The following CRYZ variants were observed in gnomAD, a reference collection of about 807,000 sequenced individuals.
CRYZ encodes crystallin zeta.
CRYZ carries 35 observed loss-of-function variants against 34.1 expected under a neutral mutation model. The observed-to-expected ratio is 1.03, with a 90% CI of 0.78 to 1.36. The LOEUF (loss-of-function observed/expected upper bound fraction) is 1.36, where lower values mean the gene tolerates loss of function less well. CRYZ is among the 40% of genes most tolerant of loss of function. CRYZ has a pLI of 0.00. For missense variants in CRYZ, 403 were observed against 391.8 expected (o/e 1.03, Z -0.24); for synonymous variants, 137 against 136.5 (o/e 1.00, Z -0.03).
chr1:74,732,967 GTGGGAATTAAAATC>G lies in CRYZ; in HGVS notation c.-39_-26del, dbSNP rs1261877644. Reference sequence around the variant, plus strand: ...TTAAAACCACTTACCAGAATCTAGAGTGGGAATTAAAATCTGCGTGGGCTTCTTCAGATTCCACA... The same window carrying G: ...TTAAAACCACTTACCAGAATCTAGAGTGCGTGGGCTTCTTCAGATTCCACA... On this transcript the variant is annotated 5_prime_UTR_variant, in exon 1 of 9. Transcript: ENST00000340866. 4.3e-6 allele frequency: 2 copies of G among 461,470 alleles called. No individual in the cohort carries two copies. Among genetic ancestry groups the G allele is most frequent in the Non-Finnish European group, 7.7e-6 (2 of 260,096 alleles). The allele number at this position is 461,470 out of a possible 1,614,324, so 28.6% of individuals were successfully genotyped here. A position where few individuals can be genotyped will look rare whatever the true frequency, so the allele number is the denominator to read the frequency against.
intron 4 of CRYZ, among the ~76,000 whole-genome samples, chr1:74,716,086 G>GC (rs2100706862): frequency 6.6e-6 from 1 of 151,984 alleles, no homozygotes; most frequent in Non-Finnish European, 1.5e-5. Flanking sequence ...GACTTAAACT[G>GC]CACCTCTTCC....
At chr1:74,719,954 A>G (rs953504709) in intron 3 of CRYZ, among the ~76,000 whole-genome samples, 1 of 152,082 alleles carries the variant, frequency 6.6e-6, no homozygotes, top group Non-Finnish European at 1.5e-5. Context: ...AGAGCTTGCT[A>G]TACCAGGCAC....
chr1:74,711,766 T>A (rs920272584), intron 5 of CRYZ, among the ~76,000 whole-genome samples: 4 of 152,032 alleles, frequency 2.6e-5, no homozygotes, highest in Non-Finnish European at 4.4e-5. Context: ...AAAATAAAAA[T>A]AAAAGAATCA....
chr1:74,716,074 T>C (rs1372974500), intron 4 of CRYZ, among the ~76,000 whole-genome samples: 2 of 152,096 alleles, frequency 1.3e-5, no homozygotes, highest in Admixed American at 6.6e-5. Flanking sequence ...AAACTTTCTA[T>C]GGACTTAAAC....
intron 1 of CRYZ, among the ~76,000 whole-genome samples, chr1:74,726,946 C>G (rs77690335): frequency 6.6e-6 from 1 of 152,160 alleles, no homozygotes; most frequent in Non-Finnish European, 1.5e-5. Context: ...TGCTAAAACA[C>G]AACAAAAGTC....
At chr1:74,731,153 G>T (rs899503568) in intron 1 of CRYZ, among the ~76,000 whole-genome samples, 1 of 152,072 alleles carries the variant, frequency 6.6e-6, no homozygotes, top group Non-Finnish European at 1.5e-5. Flanking sequence ...CCTCTGAAAG[G>T]TTGCCAATAT....
At chr1:74,727,530 G>A (rs887896742) in intron 1 of CRYZ, among the ~76,000 whole-genome samples, 3 of 149,732 alleles carry the variant, frequency 2.0e-5, no homozygotes, top group East Asian at 3.9e-4. Flanking sequence ...TACTCAGGAG[G>A]CTGAGGCAGG....
At chr1:74,726,655 G>A (rs574802311) in intron 1 of CRYZ, among the ~76,000 whole-genome samples, 65 of 152,206 alleles carry the variant, frequency 4.3e-4, no homozygotes, top group East Asian at 3.1e-3. Flanking sequence ...AAGTTTCTGC[G>A]GCTGGCTTGA....
intron 4 of CRYZ, among the ~76,000 whole-genome samples, chr1:74,715,923 T>C (rs1384180668): frequency 5.3e-5 from 8 of 151,558 alleles, no homozygotes; most frequent in Non-Finnish European, 7.4e-5. Context: ...TTTTTTTTTT[T>C]CGAATGAGAT....
At chr1:74,712,407 G>A (rs895439137) in intron 5 of CRYZ, among the ~76,000 whole-genome samples, 1 of 152,154 alleles carries the variant, frequency 6.6e-6, no homozygotes, top group Non-Finnish European at 1.5e-5. Flanking sequence ...GAGAAATGAT[G>A]CAAAATCACC....
Position 74,724,755 on chromosome 1 carries a change from T to C in CRYZ, c.67A>G (p.Lys23Glu), listed in dbSNP as rs756493709. The change falls in exon 2 of 9, where the codon AAA (lysine) becomes GAA (glutamate). Residue 23 changes from lysine (K) to glutamate (E), a missense_variant. By Grantham distance (56) the Lys-to-Glu change is moderately conservative. Coordinates refer to ENST00000340866, the MANE Select transcript of CRYZ (RefSeq NM_001889.4). ...VFEFGGPEVL[K>E]LRSDIAVPIP... is the part of the protein sequence containing the mutation. ...GGTACTGCAATATCTGATCGCAATT[T>C]CAGGACTTCTGGCCCACCAAATTCA... 5.0e-6 allele frequency: 8 copies of C among 1,613,566 alleles called. No individual in the cohort carries two copies. Among genetic ancestry groups the C allele is most frequent in the Non-Finnish European group, 6.8e-6 (8 of 1,179,786 alleles).
chr1:74,716,776 A>G (rs539982786), intron 4 of CRYZ, among the ~76,000 whole-genome samples: 2 of 152,136 alleles, frequency 1.3e-5, no homozygotes, highest in African/African-American at 2.4e-5. Flanking sequence ...GTCCCTACTC[A>G]GCCTGGACTC....
At position 74,705,934 on chromosome 1, in the gene CRYZ, G is replaced by A. The variant is rs571423988; in HGVS notation, c.*362C>T. On this transcript the variant is annotated 3_prime_UTR_variant, in exon 9 of 9. Transcript: ENST00000340866. ...GACTAGAGAACCTTTATAAAGGTAA[G>A]TAGGCTTGAAAACCCTTGGAAACTG... is the stretch of plus-strand genomic sequence containing the variant. The A allele has an allele frequency of 6.1e-6, 1 of 164,428 alleles. No homozygotes were observed. The highest frequency in any genetic ancestry group is 1.3e-5 in the Non-Finnish European group (1 of 75,888). 10.2% of individuals were successfully genotyped at this position (164,428 alleles called of 1,614,324 possible).
intron 4 of CRYZ, among the ~76,000 whole-genome samples, chr1:74,716,523 G>GA (rs1647077887): frequency 6.6e-6 from 1 of 151,990 alleles, no homozygotes; most frequent in African/African-American, 2.4e-5. Flanking sequence ...GCATTCCCCA[G>GA]AAAGAAAATC....
chr1:74,719,567 C>T (rs1168209869), intron 3 of CRYZ, among the ~76,000 whole-genome samples, 195 bp from the exon 4 acceptor site: 1 of 151,610 alleles, frequency 6.6e-6, no homozygotes, highest in East Asian at 1.9e-4. Flanking sequence ...ATGATCTCAG[C>T]TCATTGCAAC....
At chr1:74,709,698 T>C (rs1034818855) in intron 6 of CRYZ, among the ~76,000 whole-genome samples, 1 of 152,210 alleles carries the variant, frequency 6.6e-6, no homozygotes, top group African/African-American at 2.4e-5. Flanking sequence ...CTTTATTCCC[T>C]GGGCCACACA....
intron 5 of CRYZ, among the ~76,000 whole-genome samples, chr1:74,711,054 T>C (rs189054441): frequency 2.0e-5 from 3 of 151,982 alleles, no homozygotes; most frequent in Non-Finnish European, 4.4e-5. Context: ...GCTGTGGGCA[T>C]AGTGAATGGC....
At chr1:74,723,672 A>C (rs1420408387) in intron 2 of CRYZ, among the ~76,000 whole-genome samples, 2 of 152,206 alleles carry the variant, frequency 1.3e-5, no homozygotes, top group Non-Finnish European at 2.9e-5. Flanking sequence ...AGACACTTGC[A>C]GACCTGACCC....
At chr1:74,713,326 A>G (rs1647029049) in intron 5 of CRYZ, among the ~76,000 whole-genome samples, 1 of 152,188 alleles carries the variant, frequency 6.6e-6, no homozygotes, top group South Asian at 2.1e-4. Flanking sequence ...ACAGAGCACT[A>G]AGTTAGCTCT....
Sources: allele counts gnomAD v4.1 joint callset (sites outside exome capture counted in the v4.1 genomes callset), GRCh38; gene constraint gnomAD v4.1.1; transcripts MANE v1.5; gene names NCBI Gene and HGNC (gene_info 2026-07-23, HGNC 2026-07-21).